DKK2: variants seen among roughly 807,000 people sequenced by gnomAD.
DKK2 encodes the protein dickkopf-related protein 2.
A neutral mutation model predicts 28.1 loss-of-function variants in DKK2; 11 were observed. The observed-to-expected ratio is 0.39, with a 90% confidence interval of 0.25 to 0.65. The LOEUF (loss-of-function observed/expected upper bound fraction) is 0.65. Ranked by LOEUF, DKK2 falls within the 30% of genes least tolerant of loss-of-function variation. The pLI, the probability that DKK2 is intolerant of heterozygous loss-of-function variation, is 0.47. For synonymous variants in DKK2, 135 were observed against 126.5 expected (o/e 1.07, Z -0.45); for missense variants, 326 against 335.5 (o/e 0.97, Z 0.22).
chr4:106,989,019 C>CA (rs1253890233), intron 1 of DKK2, among the ~76,000 whole-genome samples: 1 of 152,146 alleles, frequency 6.6e-6, no homozygotes, highest in Non-Finnish European at 1.5e-5. Context: ...CCTAATGCCA[C>CA]CAAACCTCTG....
chr4:107,009,136 C>T (rs1475829296), intron 1 of DKK2, among the ~76,000 whole-genome samples: 1 of 151,824 alleles, frequency 6.6e-6, no homozygotes, highest in Non-Finnish European at 1.5e-5. Context: ...CTTTAACATA[C>T]AGGCATTATA....
intron 1 of DKK2, among the ~76,000 whole-genome samples, chr4:106,932,816 G>A (rs1724522714): frequency 6.6e-6 from 1 of 152,172 alleles, no homozygotes; most frequent in African/African-American, 2.4e-5. Context: ...CATTTTCATT[G>A]TTGCCTTATA....
chr4:106,961,565 GCACA>G (rs34597899), intron 1 of DKK2, among the ~76,000 whole-genome samples: 127 of 136,230 alleles, frequency 9.3e-4, no homozygotes, highest in African/African-American at 2.1e-3. Context: ...CCAACAGCCT[GCACA>G]CACACACACA....
At chr4:106,924,279 C>T (rs933225880) in intron 3 of DKK2, 75 bp from the exon 4 acceptor site, 3 of 1,542,718 alleles carry the variant, frequency 1.9e-6, no homozygotes, top group Non-Finnish European at 1.7e-6. Flanking sequence ...ATCAGAAGCA[C>T]ATAAAATATT....
intron 1 of DKK2, among the ~76,000 whole-genome samples, chr4:107,033,398 T>C (rs1039471708): frequency 7.9e-5 from 12 of 152,190 alleles, no homozygotes; most frequent in African/African-American, 2.9e-4. Flanking sequence ...ATTAAGTAGC[T>C]ATTTGGAGAG....
chr4:106,936,501 G>C (rs1267163774), intron 1 of DKK2, among the ~76,000 whole-genome samples: 1 of 152,220 alleles, frequency 6.6e-6, no homozygotes, highest in African/African-American at 2.4e-5. Context: ...TGGTGTACCT[G>C]AAAGGGATGG....
intron 1 of DKK2, among the ~76,000 whole-genome samples, chr4:107,027,202 G>T (rs1197955194): frequency 1.3e-5 from 2 of 152,140 alleles, no homozygotes; most frequent in Non-Finnish European, 2.9e-5. Flanking sequence ...ATTTCAAAGG[G>T]TTGAGAGGAA....
At chr4:107,000,207 T>C (rs890437122) in intron 1 of DKK2, among the ~76,000 whole-genome samples, 1 of 152,172 alleles carries the variant, frequency 6.6e-6, no homozygotes, top group African/African-American at 2.4e-5. Context: ...CCTTGGTCAA[T>C]GGTAATTTTA....
At chr4:107,032,600 T>A (rs1363705273) in intron 1 of DKK2, among the ~76,000 whole-genome samples, 1 of 152,120 alleles carries the variant, frequency 6.6e-6, no homozygotes, top group Non-Finnish European at 1.5e-5. Flanking sequence ...TCAACATCCA[T>A]TTAAGAGAAA....
rs527452106 is a variant in DKK2, at chr4:106,937,613, G to A, written c.223-11664C>T. 4.6e-4 allele frequency among the ~76,000 whole-genome samples: 69 copies of A among 150,926 alleles called. 1 individual carries two copies. The highest frequency in any genetic ancestry group is 1.7e-3 in the South Asian group (8 of 4,784). On this transcript the variant is annotated intron_variant, in intron 1 of 3. Coordinates refer to ENST00000285311, the MANE Select transcript of DKK2 (RefSeq NM_014421.3). ...AATTGAACTCAGCTCTTCACCAAGC[G>A]GACCTAATAGACATCTACAGAACTC...
intron 1 of DKK2, among the ~76,000 whole-genome samples, chr4:106,979,698 C>T (rs1022675349): frequency 1.3e-5 from 2 of 152,168 alleles, no homozygotes; most frequent in South Asian, 2.1e-4. Flanking sequence ...AGGGCTTGCA[C>T]GTGTTCAGGA....
chr4:107,008,213 A>C (rs1163926734), intron 1 of DKK2, among the ~76,000 whole-genome samples: 2 of 152,116 alleles, frequency 1.3e-5, no homozygotes, highest in African/African-American at 4.8e-5. Context: ...TTCAATATTC[A>C]TTTATTCATT....
chr4:106,947,309 C>T (rs1047390144), intron 1 of DKK2, among the ~76,000 whole-genome samples: 1 of 152,134 alleles, frequency 6.6e-6, no homozygotes, highest in African/African-American at 2.4e-5. Flanking sequence ...CTACTAACCA[C>T]ATCAGCAGCC....
intron 1 of DKK2, among the ~76,000 whole-genome samples, chr4:107,005,511 C>T (rs376273249): frequency 2.0e-5 from 3 of 151,926 alleles, no homozygotes; most frequent in African/African-American, 7.3e-5. Flanking sequence ...CTTCTTGATG[C>T]CTTTAACACA....
intron 1 of DKK2, among the ~76,000 whole-genome samples, chr4:106,938,154 C>T (rs1158623160): frequency 4.1e-5 from 6 of 146,934 alleles, no homozygotes; most frequent in African/African-American, 1.5e-4. Flanking sequence ...CACAAAAAAC[C>T]CTTCAAAAAA....
chr4:106,982,503 A>G (rs1320776598), intron 1 of DKK2, among the ~76,000 whole-genome samples: 4 of 152,212 alleles, frequency 2.6e-5, no homozygotes, highest in African/African-American at 9.6e-5. Flanking sequence ...ATTATTTTAC[A>G]TATTTCAATC....
chr4:106,984,553 G>A (rs1219067097), intron 1 of DKK2, among the ~76,000 whole-genome samples: 1 of 152,138 alleles, frequency 6.6e-6, no homozygotes, highest in African/African-American at 2.4e-5. Flanking sequence ...TATATTGTAT[G>A]TATATACCAC....
At chr4:107,026,911 T>C (rs1006237550) in intron 1 of DKK2, among the ~76,000 whole-genome samples, 3 of 152,006 alleles carry the variant, frequency 2.0e-5, no homozygotes, top group African/African-American at 4.8e-5. Context: ...AAAAGGAAAA[T>C]ACTGTCACTA....
rs141887542 is a variant in DKK2 at position 107,015,414 on chromosome 4, C to T, written c.222+19956G>A. On this transcript the variant is annotated intron_variant, in intron 1 of 3. Coordinates refer to ENST00000285311, the MANE Select transcript of DKK2 (RefSeq NM_014421.3). ...ACTGGATTGTTTATCTCTCTTGTAA[C>T]TCCTTATTGATTTATAGGATTTTGT... is the stretch of plus-strand genomic sequence containing the variant. 1.9e-3 allele frequency among the ~76,000 whole-genome samples: 287 copies of T among 151,628 alleles called. 1 individual carries two copies. The highest frequency in any genetic ancestry group is 6.5e-3 in the African/African-American group (269 of 41,470).
Sources: allele counts gnomAD v4.1 joint callset (sites outside exome capture counted in the v4.1 genomes callset), GRCh38; gene constraint gnomAD v4.1.1; transcripts MANE v1.5; gene names NCBI Gene and HGNC (gene_info 2026-07-23, HGNC 2026-07-21).